Variants in MAML2 observed in about 807,000 individuals in gnomAD.
The protein encoded by MAML2 is mastermind-like protein 2.
Under a neutral mutation model 96.1 loss-of-function variants are expected in MAML2, and 22 were observed. The ratio of observed to expected loss-of-function variants is 0.23; its 90% CI spans 0.16 to 0.33. The LOEUF (loss-of-function observed/expected upper bound fraction) is 0.33, where lower values mean the gene tolerates loss of function less well. Ranked by LOEUF, MAML2 falls within the 10% of genes least tolerant of loss-of-function variation. MAML2 has a pLI of 1.00. For synonymous variants in MAML2, 561 were observed against 521.3 expected (o/e 1.08, Z -1.04); for missense variants, 1,367 against 1,392.4 (o/e 0.98, Z 0.29).
chr11:96,312,279 T>C (rs1863554680), intron 1 of MAML2, among the ~76,000 whole-genome samples: 1 of 147,920 alleles, frequency 6.8e-6, no homozygotes, highest in Non-Finnish European at 1.5e-5. Flanking sequence ...TCAATCAAGT[T>C]TATCATCTCA....
chr11:96,304,923 C>T (rs1225337725), intron 1 of MAML2, among the ~76,000 whole-genome samples: 3 of 152,054 alleles, frequency 2.0e-5, no homozygotes, highest in Admixed American at 6.6e-5. Flanking sequence ...TGAAAAATTC[C>T]GAAGTCCTAT....
chr11:96,190,014 C>T (rs1200335472), intron 1 of MAML2, among the ~76,000 whole-genome samples: 1 of 151,990 alleles, frequency 6.6e-6, no homozygotes, highest in Non-Finnish European at 1.5e-5. Flanking sequence ...TTTTTTACTC[C>T]CTTTTTCAAG....
chr11:96,158,793 G>C (rs1318735812), intron 1 of MAML2, among the ~76,000 whole-genome samples: 3 of 152,216 alleles, frequency 2.0e-5, no homozygotes, highest in Non-Finnish European at 2.9e-5. Flanking sequence ...AGTTTGGTAA[G>C]AGGATGTGGA....
At chr11:96,148,512 C>T (rs984049837) in intron 1 of MAML2, among the ~76,000 whole-genome samples, 5 of 151,112 alleles carry the variant, frequency 3.3e-5, no homozygotes, top group African/African-American at 4.9e-5. Flanking sequence ...CTGGTAGGTG[C>T]CTGTCTACAC....
At chr11:96,033,023 T>A (rs892197715) in intron 2 of MAML2, among the ~76,000 whole-genome samples, 2 of 152,382 alleles carry the variant, frequency 1.3e-5, no homozygotes, top group South Asian at 2.1e-4. Flanking sequence ...ATTTGTAGCA[T>A]GTAAATTATA....
chr11:96,184,644 C>A (rs1232374329), intron 1 of MAML2, among the ~76,000 whole-genome samples: 1 of 143,000 alleles, frequency 7.0e-6, no homozygotes, highest in Admixed American at 7.2e-5. Context: ...GGCTGGAGTG[C>A]GGTGGCGCTG....
chr11:96,241,300 T>C (rs1862434958), intron 1 of MAML2, among the ~76,000 whole-genome samples: 1 of 152,206 alleles, frequency 6.6e-6, no homozygotes, highest in South Asian at 2.1e-4. Context: ...TACTAGGTGG[T>C]CCTTCTGGGA....
chr11:96,279,683 C>T (rs1863039145), intron 1 of MAML2, among the ~76,000 whole-genome samples: 1 of 152,182 alleles, frequency 6.6e-6, no homozygotes, highest in African/African-American at 2.4e-5. Context: ...ACATGTCATA[C>T]CTATGGCTCA....
intron 1 of MAML2, among the ~76,000 whole-genome samples, chr11:96,177,034 T>A (rs1006847277): frequency 6.6e-6 from 1 of 152,168 alleles, no homozygotes; most frequent in African/African-American, 2.4e-5. Flanking sequence ...TCATGGTCCT[T>A]TTTCAGGTCA....
intron 1 of MAML2, among the ~76,000 whole-genome samples, chr11:96,229,496 T>C (rs1862260159): frequency 1.3e-5 from 2 of 149,832 alleles, no homozygotes; most frequent in Non-Finnish European, 3.0e-5. Context: ...AGATACTACC[T>C]CGTGTGTCAT....
At chr11:96,300,362 C>T (rs1863369643) in intron 1 of MAML2, among the ~76,000 whole-genome samples, 2 of 152,120 alleles carry the variant, frequency 1.3e-5, no homozygotes, top group Non-Finnish European at 2.9e-5. Flanking sequence ...CTGAATATAG[C>T]AGACAGCTAC....
chr11:96,239,150 G>A (rs1292845881), intron 1 of MAML2, among the ~76,000 whole-genome samples: 1 of 152,228 alleles, frequency 6.6e-6, no homozygotes, highest in Non-Finnish European at 1.5e-5. Context: ...TGATACAACA[G>A]ATCCCAATCC....
intron 1 of MAML2, among the ~76,000 whole-genome samples, chr11:96,250,269 AT>A (rs1474238865): frequency 8.0e-6 from 1 of 125,258 alleles, no homozygotes; most frequent in African/African-American, 3.1e-5. Context: ...TATTCTTAAA[AT>A]TTTATTTTTT....
intron 1 of MAML2, among the ~76,000 whole-genome samples, chr11:96,122,812 C>T (rs1285637606): frequency 6.6e-6 from 1 of 152,200 alleles, no homozygotes; most frequent in Non-Finnish European, 1.5e-5. Context: ...GAAATGTGAT[C>T]CACGATCATG....
chr11:96,333,647 T>C (rs1863881101), intron 1 of MAML2, among the ~76,000 whole-genome samples: 2 of 152,228 alleles, frequency 1.3e-5, no homozygotes, highest in Non-Finnish European at 2.9e-5. Context: ...AACATGCTCC[T>C]GCTTAGGGTT....
At chr11:96,000,629 A>G (rs1480884116) in intron 2 of MAML2, among the ~76,000 whole-genome samples, 11 of 152,240 alleles carry the variant, frequency 7.2e-5, no homozygotes, top group African/African-American at 1.4e-4. Flanking sequence ...AGAAATATTT[A>G]TCATAAAATC....
intron 1 of MAML2, among the ~76,000 whole-genome samples, chr11:96,223,458 A>C (rs4753192): frequency 0.23 from 34,506 of 152,158 alleles, 4,298 homozygotes; most frequent in Middle Eastern, 0.36. Flanking sequence ...ATAATGTTTA[A>C]TATTTAGACA....
intron 1 of MAML2, among the ~76,000 whole-genome samples, chr11:96,100,918 A>C (rs1859918597): frequency 1.3e-5 from 2 of 151,002 alleles, no homozygotes; most frequent in Admixed American, 6.6e-5. Context: ...GCTGATTTTA[A>C]ATTTTTTTGT....
chr11:96,282,414 G>C (rs2135986617), intron 1 of MAML2, among the ~76,000 whole-genome samples: 1 of 152,252 alleles, frequency 6.6e-6, no homozygotes, highest in Non-Finnish European at 1.5e-5. Context: ...CTTGGTTTCA[G>C]ATACAACTTT....
Sources: gnomAD v4.1 joint callset for allele counts (sites outside exome capture counted in the v4.1 genomes callset) on GRCh38, gnomAD v4.1.1 for gene constraint, MANE v1.5 for transcripts, NCBI Gene and HGNC (gene_info 2026-07-23, HGNC 2026-07-21) for gene names.